CIMAP1B: variants seen among roughly 807,000 people sequenced by gnomAD.
CIMAP1B encodes the protein orf2 5' to PD-ECGF/TP.
chr22:50,531,223 T>G, the CIMAP1B span: 1 of 1,612,942 alleles, frequency 6.2e-7, no homozygotes, highest in Non-Finnish European at 8.5e-7. Flanking sequence ...GACACCCCAG[T>G]TTCGGGGAGC....
the CIMAP1B span, chr22:50,530,652 C>G: frequency 2.5e-6 from 4 of 1,591,606 alleles, no homozygotes; most frequent in African/African-American, 5.4e-5. Context: ...TCCCATCACT[C>G]CGACCTCAGG....
the CIMAP1B span, chr22:50,531,881 A>C: frequency 7.6e-7 from 1 of 1,322,744 alleles, no homozygotes; most frequent in Non-Finnish European, 9.7e-7. Context: ...GGCACGGTTC[A>C]GCCCCGAGCG....
the CIMAP1B span, chr22:50,531,193 G>A: frequency 6.2e-7 from 1 of 1,612,078 alleles, no homozygotes; most frequent in East Asian, 2.2e-5. Context: ...GACCTCACCT[G>A]GGCTCTGCTG....
chr22:50,532,131 G>A, the CIMAP1B span: 1 of 1,331,142 alleles, frequency 7.5e-7, no homozygotes, highest in Non-Finnish European at 9.7e-7. Context: ...GAAGGCGGTG[G>A]CCGCGGCCCC....
the CIMAP1B span, chr22:50,532,126 C>T: frequency 5.3e-6 from 7 of 1,330,842 alleles, no homozygotes; most frequent in African/African-American, 3.1e-5. Context: ...GGACAGAAGG[C>T]GGTGGCCGCG....
the CIMAP1B span, chr22:50,531,278 G>T: frequency 1.9e-6 from 3 of 1,609,194 alleles, no homozygotes; most frequent in African/African-American, 4.0e-5. Context: ...TTCCCCGCTC[G>T]CTCCGGGAAG....
chr22:50,531,738 G>T, the CIMAP1B span: 1 of 1,373,240 alleles, frequency 7.3e-7, no homozygotes, highest in Non-Finnish European at 9.4e-7. Context: ...GTGAAGGCGG[G>T]GGCGCGCGGC....
chr22:50,532,070 G>A, the CIMAP1B span: 4 of 1,366,930 alleles, frequency 2.9e-6, no homozygotes, highest in Non-Finnish European at 3.8e-6. Context: ...CCAGGCGTCC[G>A]AGCCCATAGC....
the CIMAP1B span, chr22:50,532,049 C>A: frequency 1.5e-6 from 2 of 1,346,932 alleles, no homozygotes; most frequent in South Asian, 3.6e-5. Context: ...GTGTGGCCGC[C>A]AAAGGCCCAC....
At chr22:50,531,788 G>A in the CIMAP1B span, 3 of 1,355,448 alleles carry the variant, frequency 2.2e-6, no homozygotes, top group Non-Finnish European at 2.8e-6. Context: ...GAGCATCCGA[G>A]TTAGCGTCTG....
chr22:50,531,317 TG>T, the CIMAP1B span: 2 of 1,582,920 alleles, frequency 1.3e-6, no homozygotes, highest in Non-Finnish European at 1.7e-6. Flanking sequence ...ATCAAGGGTG[TG>T]GGGGGCTAGA....
the CIMAP1B span, chr22:50,531,900 C>T: frequency 2.3e-6 from 3 of 1,317,220 alleles, no homozygotes; most frequent in Admixed American, 8.3e-5. Flanking sequence ...CGCAGGCCTC[C>T]CTGGTCTCTT....
chr22:50,531,652 G>A, the CIMAP1B span: 2 of 1,376,146 alleles, frequency 1.5e-6, no homozygotes, highest in African/African-American at 1.5e-5. Flanking sequence ...TGCCGCGCAC[G>A]GTCATGCGAG....
At chr22:50,530,430 G>A in the CIMAP1B span, 5 of 1,502,944 alleles carry the variant, frequency 3.3e-6, no homozygotes, top group South Asian at 1.2e-5. Flanking sequence ...ACACGATGCG[G>A]ACTCGCAGAC....
At chr22:50,531,977 G>C in the CIMAP1B span, 1 of 1,346,498 alleles carries the variant, frequency 7.4e-7, no homozygotes. Context: ...ACCGGTGTTG[G>C]GCGGCAGCTT....
the CIMAP1B span, chr22:50,531,844 G>A: frequency 1.5e-6 from 2 of 1,329,522 alleles, no homozygotes; most frequent in Non-Finnish European, 1.9e-6. Flanking sequence ...ACCCTCCCCC[G>A]GCACAGACCC....
chr22:50,530,774 G>A, the CIMAP1B span: 6 of 1,608,504 alleles, frequency 3.7e-6, no homozygotes, highest in African/African-American at 1.3e-5. Flanking sequence ...AGCGAAGTCC[G>A]CGCCAGAATC....
At chr22:50,530,785 G>C in the CIMAP1B span, 4 of 1,607,462 alleles carry the variant, frequency 2.5e-6, no homozygotes, top group East Asian at 2.2e-5. Context: ...CGCCAGAATC[G>C]TGAACTGGGG....
At chr22:50,530,791 TG>T in the CIMAP1B span, 6 of 1,607,000 alleles carry the variant, frequency 3.7e-6, no homozygotes, top group East Asian at 2.2e-5. Flanking sequence ...AATCGTGAAC[TG>T]GGGGGCCCGG....
Sources: allele counts gnomAD v4.1 joint callset, GRCh38; gene constraint gnomAD v4.1.1; transcripts MANE v1.5; gene names NCBI Gene and HGNC (gene_info 2026-07-23, HGNC 2026-07-21).